PIWIL2: variants seen among roughly 807,000 people sequenced by gnomAD.
PIWIL2 encodes the protein piwi-like protein 2.
Under a neutral mutation model 116.5 loss-of-function variants are expected in PIWIL2, and 81 were observed. That is an observed-to-expected ratio of 0.70 (90% CI 0.58 to 0.84). The LOEUF (loss-of-function observed/expected upper bound fraction) is 0.84. PIWIL2 is among the 40% of genes least tolerant of loss of function. The probability of loss-of-function intolerance (pLI) is 0.00; values close to 1 mark genes in which losing one functional copy is unlikely to be tolerated. For missense variants in PIWIL2, 1,272 were observed against 1,212.3 expected (o/e 1.05, Z -0.73); for synonymous variants, 489 against 429.5 (o/e 1.14, Z -1.71).
intron 5 of PIWIL2, 82 bp downstream of exon 5, chr8:22,283,322 CTGTT>C (rs1830556689): frequency 1.8e-6 from 2 of 1,131,812 alleles, no homozygotes; most frequent in African/African-American, 3.1e-5. Flanking sequence ...ATTGTAAAAT[CTGTT>C]TGTGTTGGGT....
intron 13 of PIWIL2, 60 bp from the exon 14 acceptor site, chr8:22,307,873 A>G: frequency 7.2e-7 from 1 of 1,391,970 alleles, no homozygotes; most frequent in Non-Finnish European, 9.9e-7. Context: ...ACTGGGGTTT[A>G]TTTAACTTCA....
chr8:22,326,251 T>G (rs1303177508), intron 20 of PIWIL2, among the ~76,000 whole-genome samples: 2 of 151,706 alleles, frequency 1.3e-5, no homozygotes, highest in African/African-American at 4.8e-5. Flanking sequence ...TGAGGTTTAG[T>G]GGCTCGTGTC....
chr8:22,348,157 C>T (rs754300822), intron 20 of PIWIL2, among the ~76,000 whole-genome samples: 9 of 151,820 alleles, frequency 5.9e-5, no homozygotes, highest in Non-Finnish European at 8.8e-5. Context: ...AAAAATTAGC[C>T]GGGCATGATG....
At chr8:22,281,093 A>G (rs1333240321) in intron 2 of PIWIL2, 27 bp from the exon 3 acceptor site, 12 of 1,495,590 alleles carry the variant, frequency 8.0e-6, no homozygotes, top group Non-Finnish European at 1.1e-5. Flanking sequence ...ACTACCTCTT[A>G]GAACTTTATT....
At chr8:22,314,995 C>A in intron 17 of PIWIL2, 34 bp from the exon 18 acceptor site, 1 of 1,187,016 alleles carries the variant, frequency 8.4e-7, no homozygotes, top group Non-Finnish European at 1.3e-6. Flanking sequence ...TAGTGACCTG[C>A]TTCTCCTGAC....
At chr8:22,321,449 T>G (rs13255570) in intron 20 of PIWIL2, among the ~76,000 whole-genome samples, 3 of 152,210 alleles carry the variant, frequency 2.0e-5, no homozygotes, top group Non-Finnish European at 4.4e-5. Flanking sequence ...CATTATTGGC[T>G]TAGTCCTATG....
intron 20 of PIWIL2, among the ~76,000 whole-genome samples, chr8:22,350,735 C>T (rs748883097): frequency 2.2e-4 from 34 of 152,192 alleles, no homozygotes; most frequent in South Asian, 2.1e-4. Flanking sequence ...GAAGTGGTGG[C>T]TCATTCCTGT....
In PIWIL2 at chr8:22,326,758, C is replaced by T. The variant is rs1405697397; in HGVS notation, c.2403+8483C>T. Among the ~76,000 whole-genome samples, 3 of 152,130 alleles carry T rather than the reference C, an allele frequency of 2.0e-5. No individual in the cohort carries two copies. The East Asian group carries it at 5.8e-4, about 29-fold the overall frequency. ...TTTCACTTGTTGATAAACATTTGGG[C>T]TGTTCTCACATTTTGACTATTGTGA... is the stretch of plus-strand genomic sequence containing the variant. On this transcript the variant is annotated intron_variant, in intron 20 of 22. Coordinates refer to ENST00000356766, the MANE Select transcript of PIWIL2 (RefSeq NM_018068.5).
intron 15 of PIWIL2, among the ~76,000 whole-genome samples, chr8:22,310,414 T>A (rs912824496): frequency 2.0e-5 from 3 of 152,212 alleles, no homozygotes; most frequent in African/African-American, 7.2e-5. Context: ...GAAGTTAGAT[T>A]AAAACAGTAC....
rs1563379262 is a variant in PIWIL2, at chr8:22,307,473, A to AATTTTTTTTTTTTTTTTT, written c.1546-460_1546-459insATTTTTTTTTTTTTTTTT. On this transcript the variant is annotated intron_variant, in intron 13 of 22. Transcript: ENST00000356766. ...GACATTTGAAATTCTTTTATTATTC[A>AATTTTTTTTTTTTTTTTT]TTTTTTTTTTTTTTTTTTTTTTTTT... Among the ~76,000 whole-genome samples, 4 of 111,258 alleles carry AATTTTTTTTTTTTTTTTT rather than the reference A, an allele frequency of 3.6e-5. 2 individuals are homozygous for AATTTTTTTTTTTTTTTTT. The highest frequency in any genetic ancestry group is 3.5e-5 in the Non-Finnish European group (2 of 57,764). The allele number at this position is 111,258 out of a possible 152,430, so 73.0% of individuals were successfully genotyped here.
chr8:22,276,754 T>A (rs1178251564), intron 1 of PIWIL2, among the ~76,000 whole-genome samples: 1 of 152,062 alleles, frequency 6.6e-6, no homozygotes, highest in East Asian at 1.9e-4. Flanking sequence ...TTTTTAAAAA[T>A]TAGCTGGGTA....
chr8:22,351,266 T>C (rs889131578), intron 20 of PIWIL2, among the ~76,000 whole-genome samples: 1 of 150,770 alleles, frequency 6.6e-6, no homozygotes, highest in South Asian at 2.1e-4. Context: ...CTGCAGTGGC[T>C]ATGATTACAC....
chr8:22,303,032 G>C (rs1831087860), intron 10 of PIWIL2, among the ~76,000 whole-genome samples: 2 of 152,274 alleles, frequency 1.3e-5, no homozygotes, highest in East Asian at 3.9e-4. Context: ...ATCTCAAAAG[G>C]TTGTACACTT....
At position 22,283,211 on chromosome 8, in the gene PIWIL2, T is replaced by G. The variant is rs562571623; in HGVS notation, c.603T>G (p.Pro201=). 1 of 1,614,056 alleles carries G rather than the reference T, an allele frequency of 6.2e-7. No homozygotes were observed. Among genetic ancestry groups the G allele is most frequent in the East Asian group, 2.2e-5 (1 of 44,878 alleles). ...PQSPLHSPDR[P]LVLTVEHKEK... is the part of the protein sequence containing the mutation. ...CTCCCCTGCACTCTCCAGATCGCCC[T>G]CTGGTCCTGACTGTGGAACACAAGG... The change falls in exon 5 of 23, where the codon CCT becomes CCG. Residue 201 remains proline (P), a synonymous_variant. Coordinates refer to ENST00000356766, the MANE Select transcript of PIWIL2 (RefSeq NM_018068.5).
rs192672559 is a variant in PIWIL2, at chr8:22,294,279, A to C, written c.1181+3933A>C. 4.8e-3 allele frequency among the ~76,000 whole-genome samples: 708 copies of C among 146,940 alleles called. 6 individuals are homozygous for C. Among genetic ancestry groups the C allele is most frequent in the Middle Eastern group, 0.014 (4 of 278 alleles). Reference sequence around the variant, plus strand: ...CTTGAACCCGGGAGGCAGAGGTTGCAGTGAGCCAAGATCATGCCATTACAC... The same window carrying C: ...CTTGAACCCGGGAGGCAGAGGTTGCCGTGAGCCAAGATCATGCCATTACAC... On this transcript the variant is annotated intron_variant, in intron 10 of 22. Transcript: ENST00000356766.
intron 20 of PIWIL2, among the ~76,000 whole-genome samples, chr8:22,346,265 T>C (rs557171313): frequency 2.0e-5 from 3 of 152,248 alleles, no homozygotes; most frequent in East Asian, 3.9e-4. Context: ...ATGAGTTTTA[T>C]GGTATTTCGA....
chr8:22,318,507 G>A (rs139365726), intron 20 of PIWIL2, among the ~76,000 whole-genome samples: 22 of 152,102 alleles, frequency 1.4e-4, no homozygotes, highest in African/African-American at 5.3e-4. Flanking sequence ...TAGTAGAGAT[G>A]TGGTTTCACC....
At chr8:22,315,367 A>G (rs1236190835) in intron 18 of PIWIL2, among the ~76,000 whole-genome samples, 1 of 152,112 alleles carries the variant, frequency 6.6e-6, no homozygotes, top group African/African-American at 2.4e-5. Flanking sequence ...CCCAGGTTGG[A>G]GTGCGATGGC....
intron 20 of PIWIL2, among the ~76,000 whole-genome samples, chr8:22,351,450 T>C (rs1177030073): frequency 4.5e-5 from 3 of 67,028 alleles, no homozygotes; most frequent in African/African-American, 1.6e-4. Flanking sequence ...CATATATATA[T>C]ATATATATAT....
Sources: gnomAD v4.1 joint callset for allele counts (sites outside exome capture counted in the v4.1 genomes callset) on GRCh38, gnomAD v4.1.1 for gene constraint, MANE v1.5 for transcripts, NCBI Gene and HGNC (gene_info 2026-07-23, HGNC 2026-07-21) for gene names.